CPQ: variants seen among roughly 807,000 people sequenced by gnomAD.
The protein encoded by CPQ is Ser-Met dipeptidase.
CPQ carries 37 observed loss-of-function variants against 45.7 expected under a neutral mutation model. The ratio of observed to expected loss-of-function variants is 0.81; its 90% confidence interval spans 0.62 to 1.07. The LOEUF (loss-of-function observed/expected upper bound fraction) is 1.07. Among genes scored for constraint, CPQ ranks in the 50% least tolerant of loss-of-function variants. The pLI is 0.00. For synonymous variants in CPQ, 186 were observed against 205.8 expected (o/e 0.90, Z 0.82); for missense variants, 537 against 572.9 (o/e 0.94, Z 0.64).
intron 4 of CPQ, among the ~76,000 whole-genome samples, chr8:96,926,380 A>C (rs754136543): frequency 1.3e-5 from 2 of 152,126 alleles, no homozygotes; most frequent in Non-Finnish European, 2.9e-5. Context: ...GAGTGAGGGA[A>C]TCTTTCTAAC....
intron 6 of CPQ, among the ~76,000 whole-genome samples, chr8:97,041,024 G>A (rs1810112282): frequency 1.3e-5 from 2 of 152,190 alleles, no homozygotes; most frequent in African/African-American, 4.8e-5. Flanking sequence ...TGTGAAGAAA[G>A]TCATTGGTAG....
chr8:96,718,361 C>T (rs1005364844), intron 1 of CPQ, among the ~76,000 whole-genome samples: 4 of 152,136 alleles, frequency 2.6e-5, no homozygotes, highest in African/African-American at 9.7e-5. Flanking sequence ...GGAGTTTCTT[C>T]CTTCTGGTGG....
At chr8:96,677,501 T>C (rs1342492912) in intron 1 of CPQ, among the ~76,000 whole-genome samples, 1 of 151,916 alleles carries the variant, frequency 6.6e-6, no homozygotes, top group African/African-American at 2.4e-5. Context: ...ATGTCCTTTG[T>C]GCACTTTTTG....
chr8:96,992,158 A>T (rs1348392089), intron 5 of CPQ, among the ~76,000 whole-genome samples: 5 of 152,144 alleles, frequency 3.3e-5, no homozygotes, highest in Non-Finnish European at 7.3e-5. Flanking sequence ...TTTTTGATGT[A>T]TGAGTATTTT....
intron 1 of CPQ, among the ~76,000 whole-genome samples, chr8:96,740,817 T>A (rs949510728): frequency 3.4e-4 from 52 of 152,192 alleles, no homozygotes; most frequent in Non-Finnish European, 7.3e-5. Flanking sequence ...TGAAGCCCAC[T>A]TGATCATGGT....
chr8:97,109,339 A>G (rs1050936757), intron 7 of CPQ, among the ~76,000 whole-genome samples: 2 of 152,180 alleles, frequency 1.3e-5, no homozygotes, highest in Non-Finnish European at 1.5e-5. Flanking sequence ...CAGATTCTCT[A>G]TAGTGCTGTG....
chr8:96,835,088 G>T lies in CPQ; in HGVS notation c.549G>T (p.Thr183=). 1 of 1,607,994 alleles carries T rather than the reference G, an allele frequency of 6.2e-7. No homozygotes were observed. The highest frequency in any genetic ancestry group is 8.5e-7 in the Non-Finnish European group (1 of 1,177,042). Residue 183 remains threonine, a synonymous_variant, in exon 3 of 8, where the codon ACG becomes ACT. Coordinates refer to ENST00000220763, the MANE Select transcript of CPQ (RefSeq NM_016134.4). Reference sequence around the variant, plus strand: ...AACCTTACATCAACTACTCAAGGACGGTGCAATACCGAACGCAGGGGGCGG... The same window carrying T: ...AACCTTACATCAACTACTCAAGGACTGTGCAATACCGAACGCAGGGGGCGG... The part of the protein sequence containing the change: ...YNQPYINYSR[T]VQYRTQGAVE...
intron 2 of CPQ, among the ~76,000 whole-genome samples, chr8:96,795,288 G>A (rs979650471): frequency 6.6e-6 from 1 of 152,128 alleles, no homozygotes; most frequent in Non-Finnish European, 1.5e-5. Flanking sequence ...AAGAGAACTT[G>A]TGCAGGAAAT....
chr8:97,054,443 G>A (rs1243474362), intron 6 of CPQ, among the ~76,000 whole-genome samples: 2 of 152,098 alleles, frequency 1.3e-5, no homozygotes, highest in African/African-American at 4.8e-5. Flanking sequence ...AGGAAAAGAA[G>A]TCATTATATC....
intron 3 of CPQ, among the ~76,000 whole-genome samples, chr8:96,838,658 G>A (rs967670261): frequency 1.3e-4 from 20 of 152,016 alleles, no homozygotes; most frequent in African/African-American, 4.1e-4. Flanking sequence ...CATTGATTAC[G>A]TGTATTTTTT....
chr8:97,137,411 T>G (rs1478316157), intron 7 of CPQ, among the ~76,000 whole-genome samples: 4 of 152,180 alleles, frequency 2.6e-5, no homozygotes, highest in Non-Finnish European at 5.9e-5. Flanking sequence ...TTCTAATTCA[T>G]CCTCCATTCA....
chr8:97,084,663 T>G (rs1054277520), intron 7 of CPQ, among the ~76,000 whole-genome samples: 41 of 152,336 alleles, frequency 2.7e-4, no homozygotes, highest in African/African-American at 9.6e-4. Flanking sequence ...ATGCCTTGGT[T>G]CACAGGCCCT....
At chr8:97,042,558 G>GC (rs1554585449) in intron 6 of CPQ, among the ~76,000 whole-genome samples, 3 of 151,626 alleles carry the variant, frequency 2.0e-5, no homozygotes, top group Non-Finnish European at 4.4e-5. Context: ...TGCTTTTCTA[G>GC]TTCTTTTAAT....
chr8:96,846,113 C>G (rs1811685789), intron 3 of CPQ, among the ~76,000 whole-genome samples: 1 of 152,220 alleles, frequency 6.6e-6, no homozygotes, highest in Non-Finnish European at 1.5e-5. Flanking sequence ...CCACGGCGCC[C>G]AGCCTCCTAA....
At chr8:97,122,959 A>AGTT in intron 7 of CPQ, among the ~76,000 whole-genome samples, 4 of 88,968 alleles carry the variant, frequency 4.5e-5, no homozygotes, top group Non-Finnish European at 7.5e-5. Context: ...AATAAAATAA[A>AGTT]ATAAAATAAA....
intron 2 of CPQ, among the ~76,000 whole-genome samples, chr8:96,801,579 G>A (rs1811008163): frequency 6.6e-6 from 1 of 152,146 alleles, no homozygotes; most frequent in Admixed American, 6.5e-5. Flanking sequence ...GGGCAGGGAT[G>A]ATATTTCTTT....
rs145454987 is a variant in CPQ, at chr8:96,875,065, AT to A, written c.642-4730del. On this transcript the variant is annotated intron_variant, in intron 3 of 7. Transcript: ENST00000220763. ...ACATCTCATTGAGGTTTTGATTTGC[AT>A]TTCCTTTATAGCTAATCATGTTCAG... Among the ~76,000 whole-genome samples, 863 of 151,964 alleles carry A rather than the reference AT, an allele frequency of 5.7e-3. 5 individuals carry two copies. Among genetic ancestry groups the A allele is most frequent in the Non-Finnish European group, 7.6e-3 (512 of 67,776 alleles).
intron 6 of CPQ, among the ~76,000 whole-genome samples, chr8:97,034,107 C>T (rs901394794): frequency 1.2e-4 from 18 of 152,188 alleles, no homozygotes; most frequent in African/African-American, 4.1e-4. Flanking sequence ...GGATGTGAGG[C>T]TATTTATAGC....
chr8:96,904,912 A>T (rs759749679), intron 4 of CPQ, among the ~76,000 whole-genome samples: 1 of 152,254 alleles, frequency 6.6e-6, no homozygotes, highest in Middle Eastern at 3.4e-3. Flanking sequence ...TGATTACTGT[A>T]TAGGGTCATT....
Sources: allele counts gnomAD v4.1 joint callset (sites outside exome capture counted in the v4.1 genomes callset), GRCh38; gene constraint gnomAD v4.1.1; transcripts MANE v1.5; gene names NCBI Gene and HGNC (gene_info 2026-07-23, HGNC 2026-07-21).